The following PPP1R3G variants were observed in gnomAD, a reference collection of about 807,000 sequenced individuals.
PPP1R3G encodes protein phosphatase 1, regulatory (inhibitor) subunit 3G.
PPP1R3G carries 3 observed loss-of-function variants against 2.0 expected under a neutral mutation model. The observed-to-expected ratio is 1.47, with a 90% CI of 0.67 to 3.81. PPP1R3G has a LOEUF of 3.81. Ranked by LOEUF, PPP1R3G falls within the 30% of genes most tolerant of loss-of-function variation. PPP1R3G has a pLI of 0.02. For synonymous variants in PPP1R3G, 267 were observed against 250.9 expected (o/e 1.06, Z -0.61); for missense variants, 595 against 517.0 (o/e 1.15, Z -1.46).
chr6:5,085,683 C>CT lies in PPP1R3G; in HGVS notation c.198_199insT (p.Pro67SerfsTer166). On this transcript the variant is annotated frameshift_variant, in exon 1 of 1. Coordinates refer to ENST00000405617, the MANE Select transcript of PPP1R3G (RefSeq NM_001145115.3). LOFTEE classifies it low-confidence loss of function (END_TRUNC). ...CCCTGTCCCCGAAGGAAGAGGCCGC[C>CT]CCCCAGGAGCAGGAGGAGCTGCTGG... The CT allele has an allele frequency of 6.5e-7, 1 of 1,548,240 alleles. No individual in the cohort carries two copies. The highest frequency in any genetic ancestry group is 8.7e-7 in the Non-Finnish European group (1 of 1,146,310).
In PPP1R3G at chr6:5,087,958, G is replaced by A. The variant is rs990462323; in HGVS notation, c.*1396G>A. 17 of 152,300 alleles carry A rather than the reference G, an allele frequency of 1.1e-4. No homozygotes were observed. Among genetic ancestry groups the A allele is most frequent in the African/African-American group, 4.1e-4 (17 of 41,562 alleles). The allele number at this position is 152,300 out of a possible 1,614,324, so 9.4% of individuals were successfully genotyped here. ...TTAGGGATGGTAGTCTCTAAGGAGG[G>A]ACAGTTTCACTGTTGCTTGATAGAA... On this transcript the variant is annotated 3_prime_UTR_variant, in exon 1 of 1. Transcript: ENST00000405617.
rs955391085 is a variant in PPP1R3G, at chr6:5,085,347, C to G, written c.-139C>G. 4.8e-6 allele frequency: 3 copies of G among 626,996 alleles called. No individual in the cohort carries two copies. The African/African-American group carries it at 5.8e-5, about 12-fold the overall frequency. 38.8% of individuals were successfully genotyped at this position (626,996 alleles called of 1,614,324 possible). Reference sequence around the variant, plus strand: ...AGGCTCCAAAGTGGAACTACGTTGTCTTGTCGAGCCTGGGGCGACTCGCCT... The same window carrying G: ...AGGCTCCAAAGTGGAACTACGTTGTGTTGTCGAGCCTGGGGCGACTCGCCT... On this transcript the variant is annotated 5_prime_UTR_variant, in exon 1 of 1. Transcript: ENST00000405617.
chr6:5,085,394 G>A lies in PPP1R3G; in HGVS notation c.-92G>A. On this transcript the variant is annotated 5_prime_UTR_variant, in exon 1 of 1. Transcript: ENST00000405617. ...GCCTCGGGGAGGGCGAGCCTGAACTGCAGCCCTGCGCTCCTTCCACGGCCC... is the reference window on the plus strand; with the variant it reads ...GCCTCGGGGAGGGCGAGCCTGAACTACAGCCCTGCGCTCCTTCCACGGCCC... 1 of 929,774 alleles carries A rather than the reference G, an allele frequency of 1.1e-6. No individual in the cohort carries two copies. Among genetic ancestry groups the A allele is most frequent in the Non-Finnish European group, 1.6e-6 (1 of 634,276 alleles). The allele number at this position is 929,774 out of a possible 1,614,324, so 57.6% of individuals were successfully genotyped here.
chr6:5,085,890 G>A lies in PPP1R3G; in HGVS notation c.405G>A (p.Ala135=), dbSNP rs1208532363. The A allele has an allele frequency of 2.0e-6, 3 of 1,531,368 alleles. No individual in the cohort carries two copies. Among genetic ancestry groups the A allele is most frequent in the Non-Finnish European group, 2.6e-6 (3 of 1,144,526 alleles). 94.9% of individuals were successfully genotyped at this position (1,531,368 alleles called of 1,614,324 possible). A position where few individuals can be genotyped will look rare whatever the true frequency, so the allele number is the denominator to read the frequency against. Residue 135 remains alanine (A), a synonymous_variant, in exon 1 of 1, where the codon GCG becomes GCA. Transcript: ENST00000405617. Reference sequence around the variant, plus strand: ...AGTGCAAGAAGCGGGTGCAGTTCGCGGACACGCTGGGGCTAAGCCTGGCCA... The same window carrying A: ...AGTGCAAGAAGCGGGTGCAGTTCGCAGACACGCTGGGGCTAAGCCTGGCCA... The part of the protein sequence containing the change: ...CAKCKKRVQF[A]DTLGLSLASV...
Position 5,086,592 on chromosome 6 carries a change from G to A in PPP1R3G, c.*30G>A. 1 of 1,452,760 alleles carries A rather than the reference G, an allele frequency of 6.9e-7. No homozygotes were observed. Among genetic ancestry groups the A allele is most frequent in the East Asian group, 2.5e-5 (1 of 40,056 alleles). The allele number at this position is 1,452,760 out of a possible 1,614,324, so 90.0% of individuals were successfully genotyped here. On this transcript the variant is annotated 3_prime_UTR_variant, in exon 1 of 1. Coordinates refer to ENST00000405617, the MANE Select transcript of PPP1R3G (RefSeq NM_001145115.3). ...GGAGAGTTTCGAAGAGCCGTGGGGC[G>A]GGGTTGATTAGCACGTGGAGCTCGG...
chr6:5,085,802 C>G lies in PPP1R3G; in HGVS notation c.317C>G (p.Ala106Gly). The change falls in exon 1 of 1, where the codon GCG becomes GGG. Residue 106 changes from alanine (A) to glycine (G), a missense_variant. Coordinates refer to ENST00000405617, the MANE Select transcript of PPP1R3G (RefSeq NM_001145115.3). ...AKFLQQQQQQ[A>G]VALGGEGAED... Reference sequence around the variant, plus strand: ...TTCCTGCAGCAGCAGCAGCAACAGGCGGTGGCACTGGGCGGCGAGGGGGCG... The same window carrying G: ...TTCCTGCAGCAGCAGCAGCAACAGGGGGTGGCACTGGGCGGCGAGGGGGCG... 3.9e-6 allele frequency: 6 copies of G among 1,528,012 alleles called. No individual in the cohort carries two copies. Among genetic ancestry groups the G allele is most frequent in the Non-Finnish European group, 5.3e-6 (6 of 1,139,724 alleles). The allele number at this position is 1,528,012 out of a possible 1,614,324, so 94.7% of individuals were successfully genotyped here.
rs1484095136 is a variant in PPP1R3G at position 5,089,333 on chromosome 6, T to G, written c.*2771T>G. 6.6e-6 allele frequency: 1 copy of G among 152,218 alleles called. No individual in the cohort carries two copies. The highest frequency in any genetic ancestry group is 1.5e-5 in the Non-Finnish European group (1 of 68,032). 9.4% of individuals were successfully genotyped at this position (152,218 alleles called of 1,614,324 possible). A position where few individuals can be genotyped will look rare whatever the true frequency, so the allele number is the denominator to read the frequency against. ...ATTGCATAACCATATTTTTCCGATATATTTATAAATACATTAATTTTTAAG... is the reference window on the plus strand; with the variant it reads ...ATTGCATAACCATATTTTTCCGATAGATTTATAAATACATTAATTTTTAAG... On this transcript the variant is annotated 3_prime_UTR_variant, in exon 1 of 1. Transcript: ENST00000405617.
In PPP1R3G at chr6:5,088,922, C is replaced by T. The variant is rs914740932; in HGVS notation, c.*2360C>T. On this transcript the variant is annotated 3_prime_UTR_variant, in exon 1 of 1. Transcript: ENST00000405617. The stretch of plus-strand genomic sequence containing the variant: ...GAAACATAGCACCCGTTTGAATTGG[C>T]TTCAAACTACAAAGCTGCCAGATAT... The T allele has an allele frequency of 4.6e-5, 7 of 152,208 alleles. No individual in the cohort carries two copies. The highest frequency in any genetic ancestry group is 1.7e-4 in the African/African-American group (7 of 41,458). 9.4% of individuals were successfully genotyped at this position (152,208 alleles called of 1,614,324 possible).
Position 5,086,064 on chromosome 6 carries a change from G to A in PPP1R3G, c.579G>A (p.Pro193=). The A allele has an allele frequency of 7.5e-6, 11 of 1,473,178 alleles. No individual in the cohort carries two copies. Among genetic ancestry groups the A allele is most frequent in the Non-Finnish European group, 9.8e-6 (11 of 1,120,068 alleles). 91.3% of individuals were successfully genotyped at this position (1,473,178 alleles called of 1,614,324 possible). The change falls in exon 1 of 1, where the codon CCG becomes CCA. Residue 193 remains proline, a synonymous_variant. Transcript: ENST00000405617. ...AAAVAAPLSA[P]PSRLRPLFQL... ...CAGTGGCCGCGCCCCTTTCAGCGCC[G>A]CCTTCCCGGCTCCGGCCGCTCTTCC...
rs2127580912 is a variant in PPP1R3G at position 5,086,538 on chromosome 6, C to G, written c.1053C>G (p.Tyr351Ter). 3 of 1,529,344 alleles carry G rather than the reference C, an allele frequency of 2.0e-6. No individual in the cohort carries two copies. In the African/African-American group the frequency reaches 4.1e-5, roughly 21 times the overall value. The allele number at this position is 1,529,344 out of a possible 1,614,324, so 94.7% of individuals were successfully genotyped here. Residue 351 changes from tyrosine (Y) to a stop codon, truncating the protein, a stop_gained, in exon 1 of 1, where the codon TAC (tyrosine) becomes TAG (stop). Transcript: ENST00000405617. LOFTEE classifies it high-confidence loss of function. ...CGGGCGCCAACTACACGCTGCGCTA[C>G]GCGCGCCCTGCGGACGCGCTCTGAG... ...NNAGANYTLR[Y>*]ARPADAL
In PPP1R3G at chr6:5,086,657, C is replaced by T. The variant is rs888870758; in HGVS notation, c.*95C>T. The T allele has an allele frequency of 2.5e-5, 27 of 1,085,370 alleles. No homozygotes were observed. The African/African-American group carries it at 4.1e-4, about 17-fold the overall frequency. The allele number at this position is 1,085,370 out of a possible 1,614,324, so 67.2% of individuals were successfully genotyped here. On this transcript the variant is annotated 3_prime_UTR_variant, in exon 1 of 1. Transcript: ENST00000405617. ...GAACTTGCTGGGACGCTTTGCTGAG[C>T]GTGGCGAGTCTGGCGTGAGGGGCGC...
chr6:5,086,527 A>G lies in PPP1R3G; in HGVS notation c.1042A>G (p.Thr348Ala), dbSNP rs1359133316. ...YWDNNAGANY[T>A]LRYARPADAL ...GGACAACAACGCGGGCGCCAACTAC[A>G]CGCTGCGCTACGCGCGCCCTGCGGA... Residue 348 changes from threonine (T) to alanine (A), a missense_variant, in exon 1 of 1, where the codon ACG (threonine) becomes GCG (alanine). By Grantham distance (58) the Thr-to-Ala change is moderately conservative. Coordinates refer to ENST00000405617, the MANE Select transcript of PPP1R3G (RefSeq NM_001145115.3). The G allele has an allele frequency of 3.3e-6, 5 of 1,531,368 alleles. No homozygotes were observed. In the Admixed American group the frequency reaches 9.9e-5, roughly 30 times the overall value. 94.9% of individuals were successfully genotyped at this position (1,531,368 alleles called of 1,614,324 possible). A position where few individuals can be genotyped will look rare whatever the true frequency, so the allele number is the denominator to read the frequency against.
Position 5,086,094 on chromosome 6 carries a change from C to T in PPP1R3G, c.609C>T (p.Leu203=). 6.8e-7 allele frequency: 1 copy of T among 1,469,468 alleles called. No homozygotes were observed. The highest frequency in any genetic ancestry group is 2.4e-5 in the Admixed American group (1 of 41,144). 91.0% of individuals were successfully genotyped at this position (1,469,468 alleles called of 1,614,324 possible). Residue 203 remains leucine (L), a synonymous_variant, in exon 1 of 1, where the codon CTC becomes CTT. Coordinates refer to ENST00000405617, the MANE Select transcript of PPP1R3G (RefSeq NM_001145115.3). ...CCCGGCTCCGGCCGCTCTTCCAGCT[C>T]CCGGGGCCGAGCGCCGCGGCCGAGC... ...PPSRLRPLFQ[L]PGPSAAAERL...
In PPP1R3G at chr6:5,085,464, A is replaced by T. The variant is rs1286334878; in HGVS notation, c.-22A>T. 6.0e-6 allele frequency: 9 copies of T among 1,510,184 alleles called. No homozygotes were observed. The highest frequency in any genetic ancestry group is 8.0e-6 in the Non-Finnish European group (9 of 1,127,934). The allele number at this position is 1,510,184 out of a possible 1,614,324, so 93.5% of individuals were successfully genotyped here. A position where few individuals can be genotyped will look rare whatever the true frequency, so the allele number is the denominator to read the frequency against. ...CAGAGGGGCCCGGTTCGGCCCGAGC[A>T]AGTCCAGGGGCGAACGGCGTCATGG... is the stretch of plus-strand genomic sequence containing the variant. On this transcript the variant is annotated 5_prime_UTR_variant, in exon 1 of 1. Coordinates refer to ENST00000405617, the MANE Select transcript of PPP1R3G (RefSeq NM_001145115.3).
rs1762043361 is a variant in PPP1R3G, at chr6:5,086,688, G to A, written c.*126G>A. The A allele has an allele frequency of 1.3e-6, 1 of 759,666 alleles. No homozygotes were observed. Among genetic ancestry groups the A allele is most frequent in the African/African-American group, 1.8e-5 (1 of 56,630 alleles). The allele number at this position is 759,666 out of a possible 1,614,324, so 47.1% of individuals were successfully genotyped here. A position where few individuals can be genotyped will look rare whatever the true frequency, so the allele number is the denominator to read the frequency against. On this transcript the variant is annotated 3_prime_UTR_variant, in exon 1 of 1. Coordinates refer to ENST00000405617, the MANE Select transcript of PPP1R3G (RefSeq NM_001145115.3). Reference sequence around the variant, plus strand: ...GAGTCTGGCGTGAGGGGCGCGTGGAGGGAAAGGAGGGAGACTTTGAACCGT... The same window carrying A: ...GAGTCTGGCGTGAGGGGCGCGTGGAAGGAAAGGAGGGAGACTTTGAACCGT...
In PPP1R3G at chr6:5,086,084, T is replaced by C; in HGVS notation, c.599T>C (p.Leu200Pro). 1 of 1,466,990 alleles carries C rather than the reference T, an allele frequency of 6.8e-7. No homozygotes were observed. 90.9% of individuals were successfully genotyped at this position (1,466,990 alleles called of 1,614,324 possible). A position where few individuals can be genotyped will look rare whatever the true frequency, so the allele number is the denominator to read the frequency against. Residue 200 changes from leucine (L) to proline (P), a missense_variant, in exon 1 of 1, where the codon CTC (leucine) becomes CCC (proline). Physicochemically the swap from Leu to Pro is moderately conservative, Grantham distance 98. Coordinates refer to ENST00000405617, the MANE Select transcript of PPP1R3G (RefSeq NM_001145115.3). ...LSAPPSRLRPLFQLPGPSAAA... is the reference protein window; with the variant it reads ...LSAPPSRLRPPFQLPGPSAAA... Reference sequence around the variant, plus strand: ...GCGCCGCCTTCCCGGCTCCGGCCGCTCTTCCAGCTCCCGGGGCCGAGCGCC... The same window carrying C: ...GCGCCGCCTTCCCGGCTCCGGCCGCCCTTCCAGCTCCCGGGGCCGAGCGCC...
rs1762115223 is a variant in PPP1R3G at position 5,088,844 on chromosome 6, A to C, written c.*2282A>C. The C allele has an allele frequency of 6.6e-6, 1 of 152,250 alleles. No individual in the cohort carries two copies. The highest frequency in any genetic ancestry group is 1.5e-5 in the Non-Finnish European group (1 of 68,046). The allele number at this position is 152,250 out of a possible 1,614,324, so 9.4% of individuals were successfully genotyped here. A position where few individuals can be genotyped will look rare whatever the true frequency, so the allele number is the denominator to read the frequency against. ...GGTTATCATTGTGTCAGGCAGGGGA[A>C]TCTACCTGTTGCCTTCTTTCACCTA... On this transcript the variant is annotated 3_prime_UTR_variant, in exon 1 of 1. Transcript: ENST00000405617.
At position 5,086,943 on chromosome 6, in the gene PPP1R3G, A is replaced by G. The variant is rs1762052439; in HGVS notation, c.*381A>G. 4.4e-6 allele frequency: 1 copy of G among 229,422 alleles called. No homozygotes were observed. Among genetic ancestry groups the G allele is most frequent in the Admixed American group, 5.1e-5 (1 of 19,618 alleles). The allele number at this position is 229,422 out of a possible 1,614,324, so 14.2% of individuals were successfully genotyped here. The stretch of plus-strand genomic sequence containing the variant: ...GGCCTTGGGATTGGTTTTTAACTCT[A>G]AATATCATATTGTAGCCCTTGCAGT... On this transcript the variant is annotated 3_prime_UTR_variant, in exon 1 of 1. Transcript: ENST00000405617.
rs569148208 is a variant in PPP1R3G, at chr6:5,086,290, C to G, written c.805C>G (p.Pro269Ala). The change falls in exon 1 of 1, where the codon CCC becomes GCC. Residue 269 changes from proline (P) to alanine (A), a missense_variant. Physicochemically the swap from Pro to Ala is conservative, Grantham distance 27. Coordinates refer to ENST00000405617, the MANE Select transcript of PPP1R3G (RefSeq NM_001145115.3). ...SFLDVPAELQ[P>A]EPLEPQQPEA... ...CCTGGACGTGCCGGCTGAGCTGCAG[C>G]CCGAGCCGCTGGAGCCACAGCAGCC... 2 of 1,535,438 alleles carry G rather than the reference C, an allele frequency of 1.3e-6. No individual in the cohort carries two copies. The highest frequency in any genetic ancestry group is 2.7e-5 in the African/African-American group (2 of 73,034).
Sources: gnomAD v4.1 joint callset for allele counts on GRCh38, gnomAD v4.1.1 for gene constraint, MANE v1.5 for transcripts, NCBI Gene and HGNC (gene_info 2026-07-23, HGNC 2026-07-21) for gene names.